USP30: variants seen among roughly 807,000 people sequenced by gnomAD.
USP30 encodes the protein ubiquitin specific peptidase 30.
In USP30, 41 loss-of-function variants were observed where a neutral mutation model predicts 68.2. That is an observed-to-expected ratio of 0.60 (90% CI 0.47 to 0.78). The LOEUF is 0.78. USP30 is among the 30% of genes least tolerant of loss of function. USP30 has a pLI of 0.00. For synonymous variants in USP30, 229 were observed against 253.7 expected, an observed-to-expected ratio of 0.90 and a Z score of 0.93; for missense variants, 522 against 649.4, an observed-to-expected ratio of 0.80 and a Z score of 2.13.
At chr12:109,058,251 TA>T (rs1217634480) in intron 3 of USP30, 143 bp downstream of exon 3, 14 of 935,852 alleles carry the variant, frequency 1.5e-5, no homozygotes, top group Non-Finnish European at 2.0e-5. Context: ...AAGAGCCCAA[TA>T]GATACAAACA....
chr12:109,058,177 T>A (rs1015259947), intron 3 of USP30, 69 bp downstream of exon 3: 25 of 1,443,348 alleles, frequency 1.7e-5, no homozygotes, highest in Admixed American at 2.2e-5. Flanking sequence ...GAGACTCTTA[T>A]AACAAAGAGT....
intron 3 of USP30, among the ~76,000 whole-genome samples, chr12:109,063,012 A>T (rs1045879757): frequency 5.9e-5 from 9 of 152,148 alleles, no homozygotes; most frequent in Non-Finnish European, 1.0e-4. Flanking sequence ...CCCTTTTGTA[A>T]CTGGCTTATT....
At chr12:109,025,162 T>C (rs1028743610) in intron 2 of USP30, 2 of 152,132 alleles carry the variant, frequency 1.3e-5, no homozygotes, top group African/African-American at 2.4e-5. Flanking sequence ...AACCAAGACT[T>C]ACATGTGTGG....
intron 5 of USP30, among the ~76,000 whole-genome samples, 156 bp from the exon 6 acceptor site, chr12:109,072,149 T>G (rs2041462588): frequency 6.6e-6 from 1 of 152,212 alleles, no homozygotes; most frequent in African/African-American, 2.4e-5. Context: ...CCAGATAGGC[T>G]AATTGAGGCT....
At chr12:109,059,599 C>T (rs1204249805) in intron 3 of USP30, among the ~76,000 whole-genome samples, 2 of 152,114 alleles carry the variant, frequency 1.3e-5, no homozygotes, top group African/African-American at 2.4e-5. Flanking sequence ...CTGCAACCTC[C>T]GCCTCCCGGG....
chr12:109,055,400 A>ACATATATATATATATATATATATATTTTT (rs1555257267), intron 1 of USP30, among the ~76,000 whole-genome samples: 5 of 24,466 alleles, frequency 2.0e-4, no homozygotes, highest in Non-Finnish European at 3.5e-4. Context: ...ATATATATAT[A>ACATATATATATATATATATATATATTTTT]TTTTTTTTTT....
At chr12:109,058,839 G>GT (rs2040963894) in intron 3 of USP30, among the ~76,000 whole-genome samples, 1 of 152,162 alleles carries the variant, frequency 6.6e-6, no homozygotes, top group South Asian at 2.1e-4. Flanking sequence ...TAAAAATGCT[G>GT]TTTTTTGCCT....
chr12:109,031,825 G>A (rs763311544), intron 3 of USP30, among the ~76,000 whole-genome samples: 15 of 152,134 alleles, frequency 9.9e-5, no homozygotes, highest in Non-Finnish European at 1.6e-4. Flanking sequence ...AGGTAGAGAC[G>A]AGGTGTGATT....
intron 3 of USP30, among the ~76,000 whole-genome samples, chr12:109,032,269 A>C (rs1336076180): frequency 6.6e-6 from 1 of 152,050 alleles, no homozygotes. Flanking sequence ...ATGCCACTGC[A>C]CTCCAGCCTG....
In USP30 at chr12:109,073,491, A is replaced by G; in HGVS notation, c.679A>G (p.Arg227Gly). 1 of 1,614,072 alleles carries G rather than the reference A, an allele frequency of 6.2e-7. No homozygotes were observed. Among genetic ancestry groups the G allele is most frequent in the Non-Finnish European group, 8.5e-7 (1 of 1,179,892 alleles). Reference sequence around the variant, plus strand: ...GAAGTCTCAACATCCTTTTCATGGAAGACTCACTAGTAATATGGTCTGCAA... The same window carrying G: ...GAAGTCTCAACATCCTTTTCATGGAGGACTCACTAGTAATATGGTCTGCAA... ...HWKSQHPFHG[R>G]LTSNMVCKHC... Residue 227 changes from arginine (R) to glycine (G), a missense_variant, in exon 7 of 13, where the codon AGA (arginine) becomes GGA (glycine). By Grantham distance (125) the Arg-to-Gly change is moderately radical. Coordinates refer to ENST00000257548, the MANE Select transcript of USP30 (RefSeq NM_032663.5).
intron 2 of USP30, among the ~76,000 whole-genome samples, chr12:109,027,125 A>G (rs560108737): frequency 2.8e-4 from 43 of 152,294 alleles, no homozygotes; most frequent in Non-Finnish European, 4.9e-4. Flanking sequence ...GAAGTGTACA[A>G]TTTAGTGGCT....
chr12:109,080,504 G>A (rs1269214924), intron 7 of USP30, among the ~76,000 whole-genome samples: 1 of 152,190 alleles, frequency 6.6e-6, no homozygotes, highest in Non-Finnish European at 1.5e-5. Flanking sequence ...ACCAAAAGCA[G>A]GAACTCTCTC....
At chr12:109,077,101 G>T (rs935166807) in intron 7 of USP30, among the ~76,000 whole-genome samples, 2 of 152,030 alleles carry the variant, frequency 1.3e-5, no homozygotes, top group African/African-American at 4.8e-5. Context: ...ATGCTTTATT[G>T]TTTTTATATA....
Position 109,082,016 on chromosome 12 carries a change from A to G in USP30, c.864A>G (p.Thr288=), listed in dbSNP as rs143487979. The part of the protein sequence containing the change: ...SVRDVVCDNC[T]KIEAKGTLNG... ...GGGATGTTGTGTGTGACAACTGTAC[A>G]AAGGTATGCATTGAACCCCAAATGT... is the stretch of plus-strand genomic sequence containing the variant. The change falls in exon 9 of 13, where the codon ACA becomes ACG. Residue 288 remains threonine (T), a synonymous_variant. Coordinates refer to ENST00000257548, the MANE Select transcript of USP30 (RefSeq NM_032663.5). 2 of 1,614,194 alleles carry G rather than the reference A, an allele frequency of 1.2e-6. No individual in the cohort carries two copies. Among genetic ancestry groups the G allele is most frequent in the Admixed American group, 3.3e-5 (2 of 60,034 alleles).
intron 7 of USP30, among the ~76,000 whole-genome samples, chr12:109,079,361 T>TTTTTTTTTTTTGGG (rs2041727003): frequency 8.5e-6 from 1 of 117,898 alleles, no homozygotes; most frequent in African/African-American, 3.4e-5. Context: ...CTTTTTTTTT[T>TTTTTTTTTTTTGGG]TTTTTTTTTT....
At chr12:109,037,478 A>G (rs546976413) in intron 3 of USP30, among the ~76,000 whole-genome samples, 2 of 152,138 alleles carry the variant, frequency 1.3e-5, no homozygotes, top group African/African-American at 4.8e-5. Flanking sequence ...TTGTTTCTTC[A>G]CATGTGTCAT....
At chr12:109,079,406 G>A (rs778893350) in intron 7 of USP30, among the ~76,000 whole-genome samples, 22 of 108,392 alleles carry the variant, frequency 2.0e-4, no homozygotes, top group Middle Eastern at 8.2e-3. Flanking sequence ...CTCTGTCACC[G>A]AGGCTGGATT....
chr12:109,074,406 G>C (rs1368083299), intron 7 of USP30, among the ~76,000 whole-genome samples: 1 of 152,198 alleles, frequency 6.6e-6, no homozygotes, highest in Non-Finnish European at 1.5e-5. Flanking sequence ...AGAATTGCTA[G>C]CTTATATGGT....
rs757876413 is a variant in USP30 at position 109,058,132 on chromosome 12, G to A, written c.376+24G>A. ...AGGTATCTAGATGGGAATTTCAAGGGAATTATGTACCTTTTCAAAGAAGTC... is the reference window on the plus strand; with the variant it reads ...AGGTATCTAGATGGGAATTTCAAGGAAATTATGTACCTTTTCAAAGAAGTC... On this transcript the variant is annotated intron_variant, in intron 3 of 12. Transcript: ENST00000257548. 7 of 1,581,650 alleles carry A rather than the reference G, an allele frequency of 4.4e-6. No homozygotes were observed. In the South Asian group the frequency reaches 8.1e-5, roughly 18 times the overall value.
Sources: allele counts gnomAD v4.1 joint callset (sites outside exome capture counted in the v4.1 genomes callset), GRCh38; gene constraint gnomAD v4.1.1; transcripts MANE v1.5; gene names NCBI Gene and HGNC (gene_info 2026-07-23, HGNC 2026-07-21).